The following MICU1 variants were observed in gnomAD, a reference collection of about 807,000 sequenced individuals.
MICU1 encodes mitochondrial calcium uptake 1, also known as calcium uptake protein 1, mitochondrial.
MICU1 carries 45 observed loss-of-function variants against 56.8 expected under a neutral mutation model. The ratio of observed to expected loss-of-function variants is 0.79; its 90% CI spans 0.62 to 1.02. The LOEUF (loss-of-function observed/expected upper bound fraction) is 1.02, where lower values mean the gene tolerates loss of function less well. MICU1 is among the 50% of genes least tolerant of loss of function. The pLI is 0.00. For synonymous variants in MICU1, 186 were observed against 195.1 expected (o/e 0.95, Z 0.39); for missense variants, 504 against 587.1 (o/e 0.86, Z 1.46).
chr10:72,434,870 T>G (rs1057239207), intron 8 of MICU1, among the ~76,000 whole-genome samples: 2 of 151,978 alleles, frequency 1.3e-5, no homozygotes, highest in African/African-American at 2.4e-5. Flanking sequence ...CATAAGAGAG[T>G]TGGAAATTTA....
At chr10:72,389,736 C>T (rs1295878347) in intron 10 of MICU1, among the ~76,000 whole-genome samples, 1 of 152,100 alleles carries the variant, frequency 6.6e-6, no homozygotes, top group Non-Finnish European at 1.5e-5. Flanking sequence ...CTTTATTGTA[C>T]CTGGATATTC....
intron 10 of MICU1, among the ~76,000 whole-genome samples, chr10:72,396,597 G>A (rs570965905): frequency 8.7e-4 from 133 of 152,300 alleles, no homozygotes; most frequent in Non-Finnish European, 1.4e-3. Flanking sequence ...TAAATAACCT[G>A]ATGGAGCTGA....
intron 5 of MICU1, among the ~76,000 whole-genome samples, chr10:72,529,533 T>C (rs1279571808): frequency 6.6e-6 from 1 of 152,166 alleles, no homozygotes; most frequent in Admixed American, 6.5e-5. Flanking sequence ...AGAAATTTTA[T>C]TCTGTGACTT....
At chr10:72,528,018 G>A (rs147238480) in intron 5 of MICU1, among the ~76,000 whole-genome samples, 14 of 152,166 alleles carry the variant, frequency 9.2e-5, no homozygotes, top group African/African-American at 3.4e-4. Flanking sequence ...TGGAGATGGG[G>A]TTTCACCATA....
intron 10 of MICU1, among the ~76,000 whole-genome samples, chr10:72,395,048 G>A (rs560049086): frequency 3.3e-5 from 5 of 151,018 alleles, no homozygotes; most frequent in Admixed American, 1.3e-4. Context: ...GCGTGGTGGC[G>A]GGTGCCTGTA....
chr10:72,519,583 C>T (rs990137465), intron 5 of MICU1, among the ~76,000 whole-genome samples: 1 of 152,174 alleles, frequency 6.6e-6, no homozygotes, highest in Admixed American at 6.5e-5. Flanking sequence ...TGACCAATCA[C>T]ATAAACTTAT....
intron 10 of MICU1, among the ~76,000 whole-genome samples, chr10:72,396,705 T>C (rs1334538639): frequency 1.3e-5 from 2 of 151,960 alleles, no homozygotes; most frequent in East Asian, 1.9e-4. Context: ...ATCAAATTAA[T>C]GAAATAAAGC....
chr10:72,369,658 C>G (rs1862260356), intron 11 of MICU1, among the ~76,000 whole-genome samples: 1 of 151,340 alleles, frequency 6.6e-6, no homozygotes, highest in Non-Finnish European at 1.5e-5. Context: ...TCTTCAGTGT[C>G]AGAGGGCTGG....
At chr10:72,539,766 A>G (rs1193695104) in intron 4 of MICU1, among the ~76,000 whole-genome samples, 2 of 152,200 alleles carry the variant, frequency 1.3e-5, no homozygotes, top group African/African-American at 4.8e-5. Flanking sequence ...AAAAGCACAA[A>G]GAGACAATAA....
At chr10:72,569,223 A>ATG in intron 1 of MICU1, among the ~76,000 whole-genome samples, 1 of 39,224 alleles carries the variant, frequency 2.5e-5, no homozygotes, top group East Asian at 6.3e-4. Flanking sequence ...ATATATATAT[A>ATG]TATATATATA....
chr10:72,480,605 G>A (rs1866263453), intron 6 of MICU1, among the ~76,000 whole-genome samples: 2 of 152,144 alleles, frequency 1.3e-5, no homozygotes. Flanking sequence ...CAGAGGAAGC[G>A]GCATCACAAT....
At chr10:72,441,620 T>TC (rs1014026444) in intron 8 of MICU1, among the ~76,000 whole-genome samples, 4 of 139,526 alleles carry the variant, frequency 2.9e-5, no homozygotes, top group African/African-American at 7.9e-5. Flanking sequence ...TTTTTCTTTT[T>TC]TTTTTTTTTT....
chr10:72,569,235 A>ATTTTTT lies in MICU1; in HGVS notation c.-1-2442_-1-2441insAAAAAA, dbSNP rs1245936809. ...TATATATATATATATATATATATAT[A>ATTTTTT]TATTTTTTTTTTTTTTTGAGATGGC... On this transcript the variant is annotated intron_variant, in intron 1 of 11. Transcript: ENST00000361114. 3.4e-3 allele frequency among the ~76,000 whole-genome samples: 145 copies of ATTTTTT among 42,560 alleles called. 1 individual carries two copies. Among genetic ancestry groups the ATTTTTT allele is most frequent in the African/African-American group, 4.6e-3 (49 of 10,544 alleles). The allele number at this position is 42,560 out of a possible 152,430, so 27.9% of individuals were successfully genotyped here.
chr10:72,511,087 T>C (rs74148014), intron 5 of MICU1, among the ~76,000 whole-genome samples: 5,127 of 152,338 alleles, frequency 0.034, 282 homozygotes, highest in African/African-American at 0.11. Context: ...TTCTTTGTCC[T>C]TATTTTTTCC....
At chr10:72,546,871 A>C (rs1411574580) in intron 4 of MICU1, among the ~76,000 whole-genome samples, 1 of 149,898 alleles carries the variant, frequency 6.7e-6, no homozygotes, top group African/African-American at 2.5e-5. Context: ...GACTACAGGC[A>C]CAAGCCACCA....
intron 5 of MICU1, among the ~76,000 whole-genome samples, chr10:72,519,045 T>C (rs772458894): frequency 2.6e-5 from 4 of 152,224 alleles, no homozygotes; most frequent in Non-Finnish European, 4.4e-5. Context: ...TGTTGTTTTA[T>C]GTGGCTTAGA....
chr10:72,615,916 G>A (rs1174924680), intron 1 of MICU1, among the ~76,000 whole-genome samples: 1 of 152,128 alleles, frequency 6.6e-6, no homozygotes, highest in African/African-American at 2.4e-5. Context: ...GTGAACCCGG[G>A]AGGCGGAGCT....
At chr10:72,473,614 G>A (rs914927121) in intron 8 of MICU1, among the ~76,000 whole-genome samples, 1 of 152,056 alleles carries the variant, frequency 6.6e-6, no homozygotes, top group Non-Finnish European at 1.5e-5. Flanking sequence ...ACACTCCAGT[G>A]CACCGAACAT....
chr10:72,376,605 G>A (rs1417856300), intron 10 of MICU1, among the ~76,000 whole-genome samples: 3 of 152,222 alleles, frequency 2.0e-5, no homozygotes, highest in Middle Eastern at 3.4e-3. Flanking sequence ...CACTGTACTG[G>A]AGTAACACTC....
Sources: gnomAD v4.1 joint callset for allele counts (sites outside exome capture counted in the v4.1 genomes callset) on GRCh38, gnomAD v4.1.1 for gene constraint, MANE v1.5 for transcripts, NCBI Gene and HGNC (gene_info 2026-07-23, HGNC 2026-07-21) for gene names.